Variants in EEFSEC observed in about 807,000 individuals in gnomAD.
The protein encoded by EEFSEC is selenocysteine-specific elongation factor.
EEFSEC carries 43 observed loss-of-function variants against 42.1 expected under a neutral mutation model. The observed-to-expected ratio is 1.02, with a 90% CI of 0.80 to 1.32. EEFSEC has a LOEUF of 1.32. EEFSEC is among the 40% of genes most tolerant of loss of function. EEFSEC has a pLI of 0.00. For synonymous variants in EEFSEC, 354 were observed against 339.1 expected, an observed-to-expected ratio of 1.04 and a Z score of -0.48; for missense variants, 745 against 803.6, an observed-to-expected ratio of 0.93 and a Z score of 0.88.
At chr3:128,422,450 T>C in the EEFSEC span, among the ~76,000 whole-genome samples, 1 of 152,168 alleles carries the variant, frequency 6.6e-6, no homozygotes, top group Non-Finnish European at 1.5e-5. Flanking sequence ...CCTGGCCTTC[T>C]GGGGTATGGT....
chr3:128,287,117 C>T (rs2066593992), intron 4 of EEFSEC, among the ~76,000 whole-genome samples: 1 of 152,218 alleles, frequency 6.6e-6, no homozygotes, highest in Non-Finnish European at 1.5e-5. Context: ...AGCCCCTGAT[C>T]TATGGAAGCA....
chr3:128,253,145 A>G (rs2066205166), intron 2 of EEFSEC, among the ~76,000 whole-genome samples: 1 of 152,202 alleles, frequency 6.6e-6, no homozygotes, highest in African/African-American at 2.4e-5. Flanking sequence ...ATGTTCTATT[A>G]CTATATATTG....
At chr3:128,293,660 CAA>C (rs759485696) in intron 4 of EEFSEC, among the ~76,000 whole-genome samples, 2 of 14,142 alleles carry the variant, frequency 1.4e-4, no homozygotes, top group Non-Finnish European at 2.0e-4. Flanking sequence ...GACTCTATCT[CAA>C]AAAAAAAAAA....
chr3:128,410,273 C>A (rs914981962), downstream of EEFSEC, among the ~76,000 whole-genome samples: 1 of 152,238 alleles, frequency 6.6e-6, no homozygotes, highest in Non-Finnish European at 1.5e-5. Flanking sequence ...CCTGACCGCT[C>A]CCTCCCCAGC....
downstream of EEFSEC, among the ~76,000 whole-genome samples, chr3:128,411,955 C>T (rs2068177035): frequency 6.6e-6 from 1 of 152,174 alleles, no homozygotes; most frequent in East Asian, 1.9e-4. Context: ...CATGGATCCG[C>T]GATGTCTCAG....
chr3:128,425,754 C>A, the EEFSEC span, among the ~76,000 whole-genome samples: 1 of 152,202 alleles, frequency 6.6e-6, no homozygotes, highest in Admixed American at 6.5e-5. Context: ...AGGCAAGAAA[C>A]CAGGCAGCCT....
intron 5 of EEFSEC, among the ~76,000 whole-genome samples, chr3:128,346,133 G>T (rs2067310183): frequency 6.6e-6 from 1 of 152,224 alleles, no homozygotes; most frequent in Non-Finnish European, 1.5e-5. Flanking sequence ...AGCTGGTCAG[G>T]TACCCTACCA....
chr3:128,280,421 C>A (rs983060555), intron 4 of EEFSEC, among the ~76,000 whole-genome samples: 2 of 152,270 alleles, frequency 1.3e-5, no homozygotes, highest in Non-Finnish European at 2.9e-5. Context: ...TCTCTCACCT[C>A]CCTTGTGCCC....
rs2065196247 is a variant in EEFSEC at position 128,162,220 on chromosome 3, C to T, written c.316+8397C>T. 2.0e-5 allele frequency among the ~76,000 whole-genome samples: 3 copies of T among 152,188 alleles called. No individual in the cohort carries two copies. In the South Asian group the frequency reaches 6.2e-4, roughly 31 times the overall value. ...CATCCAGTGAGAGCTGTTTCTTTCT[C>T]TTCTTCACTGAAAGGTACACACCAT... On this transcript the variant is annotated intron_variant, in intron 1 of 6. Coordinates refer to ENST00000254730, the MANE Select transcript of EEFSEC (RefSeq NM_021937.5).
At chr3:128,418,143 G>A in the EEFSEC span, among the ~76,000 whole-genome samples, 7 of 151,950 alleles carry the variant, frequency 4.6e-5, no homozygotes, top group African/African-American at 1.2e-4. Flanking sequence ...CTGGGCCTGC[G>A]CCTCCCTCTG....
rs373420882 is a variant in EEFSEC, at chr3:128,241,201, C to CTTTTTT, written c.317-5617_317-5612dup. 6.2e-4 allele frequency among the ~76,000 whole-genome samples: 50 copies of CTTTTTT among 80,664 alleles called. 1 individual carries two copies. The highest frequency in any genetic ancestry group is 6.9e-4 in the Non-Finnish European group (32 of 46,124). The allele number at this position is 80,664 out of a possible 152,430, so 52.9% of individuals were successfully genotyped here. On this transcript the variant is annotated intron_variant, in intron 1 of 6. Transcript: ENST00000254730. ...AAGCCTTTGTCCTCTCTCTCTCTCTCTTTTTTTTTTTTTTTTTTTTTTTGA... is the reference window on the plus strand; with the variant it reads ...AAGCCTTTGTCCTCTCTCTCTCTCTCTTTTTTTTTTTTTTTTTTTTTTTTTTTTTGA...
chr3:128,306,819 A>G (rs1348770814), intron 4 of EEFSEC, among the ~76,000 whole-genome samples: 1 of 152,246 alleles, frequency 6.6e-6, no homozygotes, highest in Non-Finnish European at 1.5e-5. Context: ...GACTTTTCCA[A>G]GGTCACTCAA....
chr3:128,212,718 A>G (rs2065771267), intron 1 of EEFSEC, among the ~76,000 whole-genome samples: 1 of 152,178 alleles, frequency 6.6e-6, no homozygotes. Context: ...GCATGTTTGG[A>G]GGTATAGTTT....
chr3:128,246,912 T>A lies in EEFSEC; in HGVS notation c.393T>A (p.Leu131=), dbSNP rs2066134582. ...TGCAGACCCAGTCAGCGGAATGCCTTGTGATCGGCCAGATTGCCTGCCAGA... is the reference window on the plus strand; with the variant it reads ...TGCAGACCCAGTCAGCGGAATGCCTAGTGATCGGCCAGATTGCCTGCCAGA... The part of the protein sequence containing the change: ...KGMQTQSAEC[L]VIGQIACQKL... The change falls in exon 2 of 7, where the codon CTT becomes CTA. Residue 131 remains leucine (L), a synonymous_variant. Transcript: ENST00000254730. 6.2e-7 allele frequency: 1 copy of A among 1,614,068 alleles called. No homozygotes were observed.
chr3:128,258,670 A>G (rs2066266777), intron 2 of EEFSEC, among the ~76,000 whole-genome samples: 2 of 152,212 alleles, frequency 1.3e-5, no homozygotes, highest in Non-Finnish European at 2.9e-5. Context: ...TTATGTCTGC[A>G]ATTTGAAAGT....
chr3:128,377,490 C>T (rs1247174844), intron 6 of EEFSEC, among the ~76,000 whole-genome samples: 2 of 152,140 alleles, frequency 1.3e-5, no homozygotes, highest in African/African-American at 4.8e-5. Context: ...TATAAATGTC[C>T]AGTAAAATGT....
At chr3:128,325,535 G>A (rs116630250) in intron 4 of EEFSEC, among the ~76,000 whole-genome samples, 2,397 of 152,300 alleles carry the variant, frequency 0.016, 45 homozygotes, top group African/African-American at 0.054. Flanking sequence ...TGCACGGGGA[G>A]GAATTCCTAA....
In EEFSEC at chr3:128,183,462, CT is replaced by C. The variant is rs1310085790; in HGVS notation, c.316+29641del. Among the ~76,000 whole-genome samples the C allele has an allele frequency of 2.0e-5, 3 of 152,328 alleles. No homozygotes were observed. In the South Asian group the frequency reaches 6.2e-4, roughly 32 times the overall value. ...ATGTCTGTCTAATCATTGAATTCTA[CT>C]TCTGGTGACACTTAAGCTCTTTTCC... On this transcript the variant is annotated intron_variant, in intron 1 of 6. Transcript: ENST00000254730.
At chr3:128,401,913 G>A (rs1208687646) in intron 6 of EEFSEC, among the ~76,000 whole-genome samples, 1 of 152,176 alleles carries the variant, frequency 6.6e-6, no homozygotes, top group Non-Finnish European at 1.5e-5. Flanking sequence ...TCTTGTCCCT[G>A]TCCTTCCTGG....
Sources: allele counts gnomAD v4.1 joint callset (sites outside exome capture counted in the v4.1 genomes callset), GRCh38; gene constraint gnomAD v4.1.1; transcripts MANE v1.5; gene names NCBI Gene and HGNC (gene_info 2026-07-23, HGNC 2026-07-21).